RXRA: variants seen among roughly 807,000 people sequenced by gnomAD.
RXRA encodes the protein retinoic acid receptor RXR-alpha.
RXRA carries 5 observed loss-of-function variants against 44.5 expected under a neutral mutation model. That is an observed-to-expected ratio of 0.11 (90% CI 0.06 to 0.24). RXRA has a LOEUF of 0.24. Ranked by LOEUF, RXRA falls within the 10% of genes least tolerant of loss-of-function variation. RXRA has a pLI of 1.00. For synonymous variants in RXRA, 291 were observed against 271.4 expected (o/e 1.07, Z -0.71); for missense variants, 412 against 646.5 (o/e 0.64, Z 3.93).
At chr9:134,391,723 C>T (rs1464702445) in intron 1 of RXRA, among the ~76,000 whole-genome samples, 4 of 152,240 alleles carry the variant, frequency 2.6e-5, no homozygotes, top group African/African-American at 7.2e-5. Flanking sequence ...ATTGCTGGAA[C>T]TCTCAGGGCT....
At chr9:134,385,270 A>G (rs1830702675) in intron 1 of RXRA, among the ~76,000 whole-genome samples, 1 of 152,278 alleles carries the variant, frequency 6.6e-6, no homozygotes, top group East Asian at 1.9e-4. Context: ...GGGCTTGTCC[A>G]TTGGCTGATG....
At chr9:134,389,387 C>T (rs1322140954) in intron 1 of RXRA, among the ~76,000 whole-genome samples, 1 of 152,072 alleles carries the variant, frequency 6.6e-6, no homozygotes, top group East Asian at 1.9e-4. Context: ...AGAGGCCTGG[C>T]CCCAGGGGGT....
chr9:134,362,716 A>G (rs1189605101), intron 1 of RXRA, among the ~76,000 whole-genome samples: 1 of 152,146 alleles, frequency 6.6e-6, no homozygotes, highest in African/African-American at 2.4e-5. Flanking sequence ...GAGGCCCAGC[A>G]AGGCCCCCAC....
intron 6 of RXRA, chr9:134,425,520 C>T (rs1831417279): frequency 1.0e-6 from 1 of 974,248 alleles, no homozygotes; most frequent in Admixed American, 6.9e-5. Flanking sequence ...CTGGGTTGCA[C>T]AGGCACCTCC....
At chr9:134,416,099 C>G (rs1405267631) in intron 4 of RXRA, among the ~76,000 whole-genome samples, 1 of 152,050 alleles carries the variant, frequency 6.6e-6, no homozygotes, top group East Asian at 1.9e-4. Context: ...GGGGAACCGC[C>G]CATAAGCCAA....
In RXRA at chr9:134,425,127, G is replaced by A. The variant is rs35195932; in HGVS notation, c.910+3322G>A. 200 of 985,344 alleles carry A rather than the reference G, an allele frequency of 2.0e-4. 1 individual carries two copies. In the African/African-American group the frequency reaches 3.1e-3, roughly 15 times the overall value. 61.0% of individuals were successfully genotyped at this position (985,344 alleles called of 1,614,324 possible). A position where few individuals can be genotyped will look rare whatever the true frequency, so the allele number is the denominator to read the frequency against. On this transcript the variant is annotated intron_variant, in intron 6 of 9. Coordinates refer to ENST00000481739, the MANE Select transcript of RXRA (RefSeq NM_002957.6). The stretch of plus-strand genomic sequence containing the variant: ...CGGGGAGTGTCCACCTGTGGCTCGC[G>A]GTGACACTGAGTGGGGGTGCAGTGG...
At chr9:134,385,985 A>T (rs1247276973) in intron 1 of RXRA, among the ~76,000 whole-genome samples, 1 of 152,234 alleles carries the variant, frequency 6.6e-6, no homozygotes, top group African/African-American at 2.4e-5. Context: ...GATTGAGGAA[A>T]TGAGGCCGGG....
chr9:134,348,059 A>G (rs797036731), intron 1 of RXRA, among the ~76,000 whole-genome samples: 11 of 152,304 alleles, frequency 7.2e-5, no homozygotes, highest in African/African-American at 2.4e-4. Context: ...GCTGTGGCCA[A>G]CAGGCCGGGA....
intron 1 of RXRA, among the ~76,000 whole-genome samples, chr9:134,386,774 C>T (rs1297534675): frequency 6.6e-6 from 1 of 152,126 alleles, no homozygotes; most frequent in Admixed American, 6.5e-5. Context: ...CCTTTCAGGC[C>T]ACTTTGTTCC....
At chr9:134,408,880 G>A in intron 3 of RXRA, 60 bp from the exon 4 acceptor site, 1 of 1,425,508 alleles carries the variant, frequency 7.0e-7, no homozygotes, top group Non-Finnish European at 9.3e-7. Context: ...GTTGGATGGG[G>A]GGTGGGCTCC....
intron 5 of RXRA, among the ~76,000 whole-genome samples, chr9:134,421,256 G>A (rs1468138432): frequency 1.3e-5 from 2 of 152,226 alleles, no homozygotes; most frequent in Non-Finnish European, 2.9e-5. Flanking sequence ...GCTCCTGGAG[G>A]CTCTGCTGGG....
chr9:134,369,447 G>T (rs1330701027), intron 1 of RXRA, among the ~76,000 whole-genome samples: 2 of 123,080 alleles, frequency 1.6e-5, no homozygotes, highest in African/African-American at 3.1e-5. Context: ...ATGTGTGTAT[G>T]TGGGGGGGTT....
At chr9:134,337,756 C>G (rs1465477713) in intron 1 of RXRA, among the ~76,000 whole-genome samples, 1 of 152,182 alleles carries the variant, frequency 6.6e-6, no homozygotes, top group Non-Finnish European at 1.5e-5. Context: ...CAGGGCAGAG[C>G]TCGCTGACTC....
At chr9:134,339,720 C>CCT (rs1830061603) in intron 1 of RXRA, among the ~76,000 whole-genome samples, 1 of 132,946 alleles carries the variant, frequency 7.5e-6, no homozygotes, top group African/African-American at 3.0e-5. Context: ...TGTGTTTGAG[C>CCT]CTGTGTGTGT....
chr9:134,407,863 C>A lies in RXRA; in HGVS notation c.280-286C>A, dbSNP rs1185905609. On this transcript the variant is annotated intron_variant, in intron 2 of 9. Coordinates refer to ENST00000481739, the MANE Select transcript of RXRA (RefSeq NM_002957.6). The surrounding 1 kb of genome is among the most constrained non-coding windows in gnomAD (Gnocchi z 4.8). ...GCGGGCAGGGGGTTGCAAGCAGGGA[C>A]CGCCCATGTGTTGGGGGGGGTGTTG... Among the ~76,000 whole-genome samples, 1 of 151,968 alleles carries A rather than the reference C, an allele frequency of 6.6e-6. No homozygotes were observed. The highest frequency in any genetic ancestry group is 2.4e-5 in the African/African-American group (1 of 41,400).
intron 5 of RXRA, among the ~76,000 whole-genome samples, chr9:134,419,313 T>TG (rs895810808): frequency 3.3e-5 from 5 of 152,224 alleles, no homozygotes; most frequent in African/African-American, 9.6e-5. Context: ...GGACATTATT[T>TG]GGGGGGGAAT....
intron 8 of RXRA, 52 bp from the exon 9 acceptor site, chr9:134,434,050 G>A: frequency 7.1e-7 from 1 of 1,415,532 alleles, no homozygotes; most frequent in Non-Finnish European, 9.9e-7. Flanking sequence ...GGGGGCAGGT[G>A]CCCGAGACAC....
intron 4 of RXRA, among the ~76,000 whole-genome samples, chr9:134,415,004 G>A (rs1008978457): frequency 1.4e-4 from 22 of 152,304 alleles, no homozygotes; most frequent in Admixed American, 1.4e-3. Flanking sequence ...CTTGCCATTT[G>A]CCCACCAGCC....
At chr9:134,374,462 A>T (rs1830528433) in intron 1 of RXRA, among the ~76,000 whole-genome samples, 1 of 152,132 alleles carries the variant, frequency 6.6e-6, no homozygotes, top group Non-Finnish European at 1.5e-5. Context: ...TGCGCTGGTC[A>T]CTGGTCGCTG....
Sources: gnomAD v4.1 joint callset for allele counts (sites outside exome capture counted in the v4.1 genomes callset) on GRCh38, gnomAD v4.1.1 for gene constraint, Gnocchi (gnomAD v3.1) non-coding constraint, MANE v1.5 for transcripts, NCBI Gene and HGNC (gene_info 2026-07-23, HGNC 2026-07-21) for gene names.